LRRN1: variants seen among roughly 807,000 people sequenced by gnomAD.
The protein encoded by LRRN1 is leucine rich repeat neuronal 1.
LRRN1 carries 14 observed loss-of-function variants against 45.8 expected under a neutral mutation model. The ratio of observed to expected loss-of-function variants is 0.31; its 90% CI spans 0.20 to 0.48. The LOEUF (loss-of-function observed/expected upper bound fraction) is 0.48. Among genes scored for constraint, LRRN1 ranks in the 20% least tolerant of loss-of-function variants. The pLI is 0.99. For missense variants in LRRN1, 789 were observed against 874.2 expected (o/e 0.90, Z 1.23); for synonymous variants, 359 against 330.1 (o/e 1.09, Z -0.95).
Position 3,847,893 on chromosome 3 carries a change from T to C in LRRN1, c.*1101T>C, listed in dbSNP as rs1416554377. Among the ~76,000 whole-genome samples the C allele has an allele frequency of 6.6e-6, 1 of 152,106 alleles. No homozygotes were observed. Among genetic ancestry groups the C allele is most frequent in the Non-Finnish European group, 1.5e-5 (1 of 68,008 alleles). ...ATGAAGAAAAAAAGGTGTATTGTTGTATCCCATGCATAAATAAAGGTAAAT... is the reference window on the plus strand; with the variant it reads ...ATGAAGAAAAAAAGGTGTATTGTTGCATCCCATGCATAAATAAAGGTAAAT... On this transcript the variant is annotated 3_prime_UTR_variant, in exon 2 of 2. Transcript: ENST00000319331.
intron 1 of LRRN1, chr3:3,800,771 G>C (rs1692633525): frequency 1.3e-5 from 2 of 152,870 alleles, no homozygotes; most frequent in South Asian, 4.1e-4. Context: ...CAGAAGGAGT[G>C]GCAGCCTCAG....
chr3:3,819,207 G>C (rs1256523463), intron 1 of LRRN1, among the ~76,000 whole-genome samples: 4 of 151,998 alleles, frequency 2.6e-5, no homozygotes, highest in African/African-American at 7.3e-5. Context: ...GGCTGGTCTT[G>C]AACTCCTGGG....
In LRRN1 at chr3:3,799,659, C is replaced by G; in HGVS notation, c.-539C>G. Reference sequence around the variant, plus strand: ...CCCTCCTTCCCAGTCCTGCCTCCCCCTGCCCTGGCCTCTGAGAGCCGACTG... The same window carrying G: ...CCCTCCTTCCCAGTCCTGCCTCCCCGTGCCCTGGCCTCTGAGAGCCGACTG... On this transcript the variant is annotated 5_prime_UTR_variant, in exon 1 of 2. Transcript: ENST00000319331. 1 of 153,266 alleles carries G rather than the reference C, an allele frequency of 6.5e-6. No individual in the cohort carries two copies. The highest frequency in any genetic ancestry group is 1.5e-5 in the Non-Finnish European group (1 of 68,704). 9.5% of individuals were successfully genotyped at this position (153,266 alleles called of 1,614,324 possible).
At chr3:3,837,791 C>T (rs529499878) in intron 1 of LRRN1, among the ~76,000 whole-genome samples, 3 of 151,114 alleles carry the variant, frequency 2.0e-5, no homozygotes, top group Non-Finnish European at 4.4e-5. Context: ...CATGGGTAAA[C>T]GTGTGCCATG....
rs199691811 is a variant in LRRN1, at chr3:3,846,440, A to G, written c.1799A>G (p.Asn600Ser). ...TDYEVCLTVS[N>S]IHQQTQKSCV... The stretch of plus-strand genomic sequence containing the variant: ...TATGAAGTGTGTCTCACAGTGTCCA[A>G]TATTCATCAGCAGACTCAAAAGTCA... Residue 600 changes from asparagine (N) to serine (S), a missense_variant, in exon 2 of 2, where the codon AAT (asparagine) becomes AGT (serine). By Grantham distance (46) the Asn-to-Ser change is conservative (BLOSUM62 1). Transcript: ENST00000319331. The surrounding 1 kb of genome is among the most constrained non-coding windows in gnomAD (Gnocchi z 5.7). 53 of 1,614,140 alleles carry G rather than the reference A, an allele frequency of 3.3e-5. No individual in the cohort carries two copies. Among genetic ancestry groups the G allele is most frequent in the Admixed American group, 5.0e-5 (3 of 60,014 alleles).
At chr3:3,825,595 G>A (rs957061507) in intron 1 of LRRN1, among the ~76,000 whole-genome samples, 8 of 152,096 alleles carry the variant, frequency 5.3e-5, no homozygotes, top group Admixed American at 3.9e-4. Context: ...AATTTAACAT[G>A]GTCAGATTAG....
rs564260494 is a variant in LRRN1, at chr3:3,826,569, T to G, written c.-278-17795T>G. ...GCAAAAGAGCCTCAGGAAGATCCAT[T>G]GTGTCCTTGCAAGGGGATACACTAT... On this transcript the variant is annotated intron_variant, in intron 1 of 1. Transcript: ENST00000319331. 4.2e-4 allele frequency among the ~76,000 whole-genome samples: 64 copies of G among 152,256 alleles called. 2 individuals are homozygous for G. The Middle Eastern group carries it at 0.01, about 24-fold the overall frequency.
At chr3:3,843,315 G>C (rs1194420446) in intron 1 of LRRN1, among the ~76,000 whole-genome samples, 3 of 152,190 alleles carry the variant, frequency 2.0e-5, no homozygotes, top group Admixed American at 6.5e-5. Context: ...CATCTATTGT[G>C]TATGTTTGTG....
chr3:3,841,275 A>T (rs1387725726), intron 1 of LRRN1, among the ~76,000 whole-genome samples: 3 of 128,396 alleles, frequency 2.3e-5, no homozygotes, highest in Non-Finnish European at 4.8e-5. Flanking sequence ...TGGGCGACAG[A>T]GCGAGACTTT....
intron 1 of LRRN1, among the ~76,000 whole-genome samples, chr3:3,821,776 G>C (rs1012138855): frequency 2.0e-5 from 3 of 152,296 alleles, no homozygotes; most frequent in African/African-American, 7.2e-5. Context: ...CACCAGAGCT[G>C]TGAGTATTTG....
At chr3:3,819,121 A>G (rs529764675) in intron 1 of LRRN1, among the ~76,000 whole-genome samples, 1 of 152,046 alleles carries the variant, frequency 6.6e-6, no homozygotes, top group East Asian at 1.9e-4. Context: ...CTAAGTAGGT[A>G]GGACTATAGG....
intron 1 of LRRN1, among the ~76,000 whole-genome samples, chr3:3,810,623 C>G (rs138382207): frequency 6.6e-6 from 1 of 152,204 alleles, no homozygotes; most frequent in Non-Finnish European, 1.5e-5. Flanking sequence ...GGGAGGATCA[C>G]CTGAACCCAG....
chr3:3,820,385 C>A (rs908991417), intron 1 of LRRN1, among the ~76,000 whole-genome samples: 11 of 152,178 alleles, frequency 7.2e-5, no homozygotes, highest in African/African-American at 2.7e-4. Context: ...TAAAAAGTTT[C>A]ATTCAGCCTT....
intron 1 of LRRN1, among the ~76,000 whole-genome samples, chr3:3,800,371 C>T (rs1476695963): frequency 2.6e-5 from 4 of 151,516 alleles, no homozygotes; most frequent in African/African-American, 7.3e-5. Flanking sequence ...GGAAAGAGGG[C>T]CAAGAGGAGG....
intron 1 of LRRN1, among the ~76,000 whole-genome samples, chr3:3,808,966 C>G (rs564083582): frequency 6.6e-6 from 1 of 152,092 alleles, no homozygotes; most frequent in Non-Finnish European, 1.5e-5. Flanking sequence ...ATTCTCCTAA[C>G]CCTTACCATC....
rs996071211 is a variant in LRRN1 at position 3,848,653 on chromosome 3, A to T, written c.*1861A>T. 6.6e-6 allele frequency among the ~76,000 whole-genome samples: 1 copy of T among 152,306 alleles called. No individual in the cohort carries two copies. Among genetic ancestry groups the T allele is most frequent in the Middle Eastern group, 3.4e-3 (1 of 294 alleles). ...GAAACAAATGAGCTGCAACAGAAAA[A>T]TAAGTACCTGAGCTCGAGGTATCCC... On this transcript the variant is annotated 3_prime_UTR_variant, in exon 2 of 2. Transcript: ENST00000319331.
At chr3:3,837,340 C>A (rs910699334) in intron 1 of LRRN1, among the ~76,000 whole-genome samples, 5 of 152,198 alleles carry the variant, frequency 3.3e-5, no homozygotes, top group African/African-American at 9.6e-5. Flanking sequence ...CTTCCCCCCC[C>A]CATTTTATAA....
intron 1 of LRRN1, among the ~76,000 whole-genome samples, chr3:3,843,844 GT>G (rs1322324581): frequency 6.6e-6 from 1 of 152,204 alleles, no homozygotes; most frequent in African/African-American, 2.4e-5. Context: ...AAATGAGGTA[GT>G]AACTAAAATG....
At chr3:3,815,197 C>T (rs9847872) in intron 1 of LRRN1, among the ~76,000 whole-genome samples, 46 of 152,238 alleles carry the variant, frequency 3.0e-4, no homozygotes, top group African/African-American at 1.1e-3. Flanking sequence ...GCTGCCCTGA[C>T]GCCTTTACAC....
Sources: gnomAD v4.1 joint callset for allele counts (sites outside exome capture counted in the v4.1 genomes callset) on GRCh38, gnomAD v4.1.1 for gene constraint, Gnocchi (gnomAD v3.1) non-coding constraint, MANE v1.5 for transcripts, NCBI Gene and HGNC (gene_info 2026-07-23, HGNC 2026-07-21) for gene names.